TMTC3: variants seen among roughly 807,000 people sequenced by gnomAD.
TMTC3 encodes transmembrane O-mannosyltransferase targeting cadherins 3.
In TMTC3, 52 loss-of-function variants were observed where a neutral mutation model predicts 92.2. That is an observed-to-expected ratio of 0.56 (90% CI 0.45 to 0.71). The LOEUF (loss-of-function observed/expected upper bound fraction) is 0.71, where lower values mean the gene tolerates loss of function less well. Ranked by LOEUF, TMTC3 falls within the 30% of genes least tolerant of loss-of-function variation. TMTC3 has a pLI of 0.00. For missense variants in TMTC3, 896 were observed against 1,057.1 expected (o/e 0.85, Z 2.11); for synonymous variants, 339 against 363.3 (o/e 0.93, Z 0.76).
At position 88,160,148 on chromosome 12, in the gene TMTC3, G is replaced by A. The variant is rs1384529646; in HGVS notation, c.543G>A (p.Val181=). Reference sequence around the variant, plus strand: ...CAATTGCCTTGACAGTGTTTTTAGTGGCTGTTGCAACATTATGTAAAGAAC... The same window carrying A: ...CAATTGCCTTGACAGTGTTTTTAGTAGCTGTTGCAACATTATGTAAAGAAC... The part of the protein sequence containing the change: ...WTPIALTVFL[V]AVATLCKEQG... Residue 181 remains valine, a synonymous_variant, in exon 5 of 14, where the codon GTG becomes GTA. Transcript: ENST00000266712. The A allele has an allele frequency of 6.3e-6, 10 of 1,592,564 alleles. No homozygotes were observed. The highest frequency in any genetic ancestry group is 8.5e-6 in the Non-Finnish European group (10 of 1,172,510).
intron 1 of TMTC3, among the ~76,000 whole-genome samples, chr12:88,146,926 G>T (rs985344785): frequency 6.7e-6 from 1 of 149,812 alleles, no homozygotes; most frequent in Non-Finnish European, 1.5e-5. Context: ...TTTATTATAC[G>T]TATTATTGTA....
intron 1 of TMTC3, among the ~76,000 whole-genome samples, chr12:88,147,184 TA>T (rs1461302731): frequency 6.6e-6 from 1 of 152,058 alleles, no homozygotes; most frequent in East Asian, 1.9e-4. Context: ...GCAAGTACTC[TA>T]AAAATTAGAT....
At chr12:88,189,447 C>T (rs751292400) in intron 11 of TMTC3, among the ~76,000 whole-genome samples, 2 of 152,064 alleles carry the variant, frequency 1.3e-5, no homozygotes, top group Admixed American at 6.5e-5. Context: ...AAACTAAATT[C>T]ATAAAGTATG....
In TMTC3 at chr12:88,161,746, A is replaced by G. The variant is rs373176617; in HGVS notation, c.797+895A>G. ...TTAGTGTTGCTTTAGGGATTTTAGA[A>G]CATCCTCTGCTTATCACAGTTTACC... On this transcript the variant is annotated intron_variant, in intron 6 of 13. Transcript: ENST00000266712. Among the ~76,000 whole-genome samples the G allele has an allele frequency of 1.8e-4, 28 of 151,572 alleles. No homozygotes were observed. The South Asian group carries it at 4.8e-3, about 26-fold the overall frequency.
At chr12:88,169,622 G>T (rs900298113) in intron 7 of TMTC3, among the ~76,000 whole-genome samples, 3 of 152,104 alleles carry the variant, frequency 2.0e-5, no homozygotes, top group African/African-American at 7.2e-5. Flanking sequence ...CATAATGTAA[G>T]TTGTTATTAA....
chr12:88,198,174 A>AAAC lies in TMTC3; in HGVS notation c.*2526_*2528dup, dbSNP rs2041537484. The stretch of plus-strand genomic sequence containing the variant: ...TAACTTCAAAATAGATATTTCATTC[A>AAAC]AACTGTTCAGGTGAGAAAACATAAT... On this transcript the variant is annotated 3_prime_UTR_variant, in exon 14 of 14. Coordinates refer to ENST00000266712, the MANE Select transcript of TMTC3 (RefSeq NM_181783.4). 2.5e-6 allele frequency: 1 copy of AAAC among 394,868 alleles called. No individual in the cohort carries two copies. Among genetic ancestry groups the AAAC allele is most frequent in the Non-Finnish European group, 4.5e-6 (1 of 223,932 alleles). 24.5% of individuals were successfully genotyped at this position (394,868 alleles called of 1,614,324 possible).
Position 88,192,623 on chromosome 12 carries a change from A to G in TMTC3, c.1726A>G (p.Met576Val), listed in dbSNP as rs2041457130. ...YISRGELLLK[M>V]NKPLKAKEAY... ...CCACAGAGGAGAATTGCTTTTAAAA[A>G]TGAATAAACCTCTTAAAGCAAAGGA... Residue 576 changes from methionine to valine, a missense_variant, in exon 13 of 14, where the codon ATG becomes GTG. Coordinates refer to ENST00000266712, the MANE Select transcript of TMTC3 (RefSeq NM_181783.4). 6.2e-7 allele frequency: 1 copy of G among 1,604,782 alleles called. No individual in the cohort carries two copies. Among genetic ancestry groups the G allele is most frequent in the South Asian group, 1.1e-5 (1 of 90,544 alleles).
Position 88,174,599 on chromosome 12 carries a change from T to A in TMTC3, c.1200-8T>A, listed in dbSNP as rs2041240079. On this transcript the variant is annotated splice_polypyrimidine_tract_variant and splice_region_variant and intron_variant, in intron 8 of 13. Transcript: ENST00000266712. ...TTTTTTTTGTTTTGCTTTTTTTCTC[T>A]TAAACAGTGTATTTAAAAAGCTATC... The A allele has an allele frequency of 1.2e-6, 2 of 1,602,840 alleles. No individual in the cohort carries two copies. The highest frequency in any genetic ancestry group is 1.7e-6 in the Non-Finnish European group (2 of 1,176,596).
intron 1 of TMTC3, among the ~76,000 whole-genome samples, chr12:88,144,600 A>G (rs2040849855): frequency 6.6e-6 from 1 of 152,162 alleles, no homozygotes; most frequent in Non-Finnish European, 1.5e-5. Flanking sequence ...GTTAAGTAAT[A>G]ATTGATGAAG....
intron 7 of TMTC3, among the ~76,000 whole-genome samples, chr12:88,168,290 G>A (rs910223738): frequency 3.9e-5 from 6 of 152,198 alleles, no homozygotes; most frequent in Non-Finnish European, 7.3e-5. Context: ...TTTATGTGCA[G>A]TGAGTGATTT....
At chr12:88,159,476 C>T (rs950366004) in intron 4 of TMTC3, among the ~76,000 whole-genome samples, 2 of 151,934 alleles carry the variant, frequency 1.3e-5, no homozygotes, top group African/African-American at 2.4e-5. Context: ...GCCTGAGCAG[C>T]ATAGCAACAC....
At position 88,153,447 on chromosome 12, in the gene TMTC3, GACA is replaced by G; in HGVS notation, c.351_353del (p.Asn117del). The G allele has an allele frequency of 6.2e-7, 1 of 1,613,442 alleles. No homozygotes were observed. The highest frequency in any genetic ancestry group is 8.5e-7 in the Non-Finnish European group (1 of 1,179,718). ...TCTCAAAGTATGCAAACTTTTTCTGGACAACAAGAGTAGTGTGATTGCTTCTTT... is the reference window on the plus strand; with the variant it reads ...TCTCAAAGTATGCAAACTTTTTCTGGACAAGAGTAGTGTGATTGCTTCTTT... On this transcript the variant is annotated inframe_deletion, in exon 3 of 14. Transcript: ENST00000266712.
At chr12:88,191,405 G>T (rs1182039390) in intron 12 of TMTC3, among the ~76,000 whole-genome samples, 2 of 151,996 alleles carry the variant, frequency 1.3e-5, no homozygotes, top group African/African-American at 4.8e-5. Flanking sequence ...ATTCATTCTA[G>T]AAGTGGTTTT....
chr12:88,189,128 G>A (rs1322134755), intron 11 of TMTC3, among the ~76,000 whole-genome samples, 182 bp downstream of exon 11: 1 of 144,840 alleles, frequency 6.9e-6, no homozygotes, highest in Admixed American at 7.0e-5. Context: ...GAGTCTTGCT[G>A]TATTGCCCAG....
intron 10 of TMTC3, among the ~76,000 whole-genome samples, chr12:88,183,388 T>C (rs2041340403): frequency 1.3e-5 from 2 of 152,204 alleles, no homozygotes; most frequent in South Asian, 4.1e-4. Flanking sequence ...CTTGTTGATC[T>C]TGCATTGCCA....
intron 10 of TMTC3, among the ~76,000 whole-genome samples, chr12:88,179,054 G>T (rs1178971897): frequency 1.3e-5 from 2 of 152,118 alleles, no homozygotes; most frequent in Non-Finnish European, 2.9e-5. Flanking sequence ...TCTTCAGTTT[G>T]ACTTCACTAT....
At chr12:88,155,522 T>C (rs2040997010) in intron 4 of TMTC3, among the ~76,000 whole-genome samples, 1 of 152,210 alleles carries the variant, frequency 6.6e-6, no homozygotes, top group African/African-American at 2.4e-5. Context: ...CTGTCTTCAC[T>C]ATAGCTAGAT....
chr12:88,195,056 G>A lies in TMTC3; in HGVS notation c.2152G>A (p.Glu718Lys). 2 of 1,613,786 alleles carry A rather than the reference G, an allele frequency of 1.2e-6. No homozygotes were observed. Among genetic ancestry groups the A allele is most frequent in the Non-Finnish European group, 1.7e-6 (2 of 1,179,904 alleles). ...LALLYSQTAK[E>K]LKALPILEEL... is the part of the protein sequence containing the mutation. ...TCTCCTGTATTCCCAGACTGCAAAGGAATTAAAGGCTTTGCCAATTTTGGA... is the reference window on the plus strand; with the variant it reads ...TCTCCTGTATTCCCAGACTGCAAAGAAATTAAAGGCTTTGCCAATTTTGGA... The change falls in exon 14 of 14, where the codon GAA (glutamate) becomes AAA (lysine). Residue 718 changes from glutamate (E) to lysine (K), a missense_variant. Transcript: ENST00000266712.
At chr12:88,179,328 A>G (rs1298714000) in intron 10 of TMTC3, among the ~76,000 whole-genome samples, 1 of 152,170 alleles carries the variant, frequency 6.6e-6, no homozygotes. Flanking sequence ...AAGAGGGACA[A>G]CTAGTGTGAT....
Sources: gnomAD v4.1 joint callset for allele counts (sites outside exome capture counted in the v4.1 genomes callset) on GRCh38, gnomAD v4.1.1 for gene constraint, MANE v1.5 for transcripts, NCBI Gene and HGNC (gene_info 2026-07-23, HGNC 2026-07-21) for gene names.